Variants in PIP5K1C observed in about 807,000 individuals in gnomAD.
PIP5K1C encodes phosphatidylinositol 4-phosphate 5-kinase type-1 gamma.
A neutral mutation model predicts 80.1 loss-of-function variants in PIP5K1C; 45 were observed. The observed-to-expected ratio is 0.56, with a 90% CI of 0.44 to 0.72. The LOEUF is 0.72. Ranked by LOEUF, PIP5K1C falls within the 30% of genes least tolerant of loss-of-function variation. The pLI, the probability that PIP5K1C is intolerant of heterozygous loss-of-function variation, is 0.00. For missense variants in PIP5K1C, 753 were observed against 954.6 expected (o/e 0.79, Z 2.78); for synonymous variants, 498 against 420.1 (o/e 1.19, Z -2.27).
intron 13 of PIP5K1C, 46 bp downstream of exon 13, chr19:3,643,197 G>C: frequency 1.9e-6 from 3 of 1,608,232 alleles, no homozygotes; most frequent in East Asian, 2.2e-5. Flanking sequence ...CCGCCCCCAC[G>C]CACAGCGGAT....
chr19:3,637,593 C>T lies in PIP5K1C; in HGVS notation c.1920+1291G>A. ...GTCGGCGATGGCGGGGAGAGTAAAT[C>T]CAGTACCTCCCATCCGTGAACTGGA... On this transcript the variant is annotated intron_variant, in intron 16 of 17. Coordinates refer to ENST00000335312, the MANE Select transcript of PIP5K1C (RefSeq NM_012398.3). This position sits in a 1 kb window ranked among gnomAD's most constrained non-coding sequence, Gnocchi z 7.0. 2 of 1,532,762 alleles carry T rather than the reference C, an allele frequency of 1.3e-6. No individual in the cohort carries two copies. The highest frequency in any genetic ancestry group is 1.7e-6 in the Non-Finnish European group (2 of 1,144,910). The allele number at this position is 1,532,762 out of a possible 1,614,324, so 94.9% of individuals were successfully genotyped here. A position where few individuals can be genotyped will look rare whatever the true frequency, so the allele number is the denominator to read the frequency against.
At chr19:3,664,973 C>A in intron 2 of PIP5K1C, 59 bp from the exon 3 acceptor site, 1 of 1,352,688 alleles carries the variant, frequency 7.4e-7, no homozygotes, top group Non-Finnish European at 1.1e-6. Context: ...CGGGACAGGG[C>A]ACGCTCTGAA....
intron 1 of PIP5K1C, among the ~76,000 whole-genome samples, chr19:3,695,619 C>T (rs768205760): frequency 1.3e-5 from 2 of 152,144 alleles, no homozygotes; most frequent in Admixed American, 6.5e-5. Context: ...ACCTGCATCC[C>T]GGGAGGCGGC....
chr19:3,638,794 GGT>G (rs1386242865), intron 16 of PIP5K1C, 88 bp downstream of exon 16: 3 of 1,528,376 alleles, frequency 2.0e-6, no homozygotes, highest in African/African-American at 1.4e-5. Flanking sequence ...CCTGTGTGCA[GGT>G]GTGTGTATGC....
At chr19:3,642,425 G>A (rs1308874378) in intron 14 of PIP5K1C, among the ~76,000 whole-genome samples, 4 of 151,992 alleles carry the variant, frequency 2.6e-5, no homozygotes, top group African/African-American at 9.7e-5. Flanking sequence ...ACCCACCCCT[G>A]AGATCCCCGT....
Position 3,683,697 on chromosome 19 carries a change from C to T in PIP5K1C, c.95-16344G>A, listed in dbSNP as rs546293862. ...CCAGTCTGCGTCACCACAGCAGGGA[C>T]GGGAGGAGAGTGAGGAGGAGCCAGG... On this transcript the variant is annotated intron_variant, in intron 1 of 17. Transcript: ENST00000335312. 5.6e-4 allele frequency among the ~76,000 whole-genome samples: 85 copies of T among 152,248 alleles called. 1 individual carries two copies. The highest frequency in any genetic ancestry group is 1.9e-3 in the African/African-American group (77 of 41,538).
intron 1 of PIP5K1C, among the ~76,000 whole-genome samples, chr19:3,698,709 G>T (rs2036200692): frequency 6.6e-6 from 1 of 152,186 alleles, no homozygotes; most frequent in Non-Finnish European, 1.5e-5. Flanking sequence ...AAACCATCTC[G>T]GTGAAGAACA....
At chr19:3,686,647 G>A (rs1023115730) in intron 1 of PIP5K1C, among the ~76,000 whole-genome samples, 2 of 151,790 alleles carry the variant, frequency 1.3e-5, no homozygotes, top group Admixed American at 1.3e-4. Flanking sequence ...GAACCCAGGA[G>A]GTGGAGCTTG....
At chr19:3,682,920 T>A (rs1399513254) in intron 1 of PIP5K1C, among the ~76,000 whole-genome samples, 1 of 151,422 alleles carries the variant, frequency 6.6e-6, no homozygotes, top group East Asian at 2.0e-4. Flanking sequence ...GAGGCCCAGA[T>A]GGAGAACACC....
At chr19:3,662,171 C>G (rs769770700) in intron 3 of PIP5K1C, among the ~76,000 whole-genome samples, 170 bp from the exon 4 acceptor site, 4 of 152,194 alleles carry the variant, frequency 2.6e-5, no homozygotes, top group Non-Finnish European at 4.4e-5. Flanking sequence ...GCTGAGCTGT[C>G]GACATCAGGC....
intron 1 of PIP5K1C, among the ~76,000 whole-genome samples, chr19:3,675,605 A>G (rs746851323): frequency 2.0e-5 from 3 of 152,172 alleles, no homozygotes; most frequent in Non-Finnish European, 4.4e-5. Flanking sequence ...CGGGATGGAC[A>G]GTCTCGTCCA....
chr19:3,659,994 C>T (rs370938478), intron 5 of PIP5K1C, among the ~76,000 whole-genome samples: 6 of 152,316 alleles, frequency 3.9e-5, no homozygotes, highest in African/African-American at 1.2e-4. Context: ...ACAAAGTTCT[C>T]GGGATGACCA....
chr19:3,687,957 AG>A (rs1428582602), intron 1 of PIP5K1C, among the ~76,000 whole-genome samples: 2 of 152,176 alleles, frequency 1.3e-5, no homozygotes, highest in Non-Finnish European at 2.9e-5. Context: ...AGGGAGAAAG[AG>A]GCTCCACTCT....
intron 15 of PIP5K1C, among the ~76,000 whole-genome samples, chr19:3,641,444 A>T (rs1489092600): frequency 6.6e-6 from 1 of 151,874 alleles, no homozygotes; most frequent in African/African-American, 2.4e-5. Flanking sequence ...GCCTCCACCC[A>T]CTCCATGCCA....
chr19:3,651,934 C>T lies in PIP5K1C; in HGVS notation c.1019G>A (p.Ser340Asn), dbSNP rs750406010. Residue 340 changes from serine to asparagine, a missense_variant, in exon 8 of 18, where the codon AGC (serine) becomes AAC (asparagine). Coordinates refer to ENST00000335312, the MANE Select transcript of PIP5K1C (RefSeq NM_012398.3). The stretch of plus-strand genomic sequence containing the variant: ...CACAGGCCGCTTCTCATCTGAGGTG[C>T]TCTGGGCGCCCTGCGCCTGCCGCTC... Reference protein sequence around the residue: ...ERERQAQGAQSTSDEKRPVGQ... With the variant: ...ERERQAQGAQNTSDEKRPVGQ... 6.2e-7 allele frequency: 1 copy of T among 1,612,922 alleles called. No individual in the cohort carries two copies. Among genetic ancestry groups the T allele is most frequent in the Admixed American group, 1.7e-5 (1 of 60,018 alleles).
In PIP5K1C at chr19:3,633,427, C is replaced by T. The variant is rs750014751; in HGVS notation, c.2004+10G>A. 6.8e-6 allele frequency: 10 copies of T among 1,479,038 alleles called. No homozygotes were observed. The South Asian group carries it at 1.4e-4, about 21-fold the overall frequency. 91.6% of individuals were successfully genotyped at this position (1,479,038 alleles called of 1,614,324 possible). A position where few individuals can be genotyped will look rare whatever the true frequency, so the allele number is the denominator to read the frequency against. On this transcript the variant is annotated intron_variant, in intron 17 of 17. Coordinates refer to ENST00000335312, the MANE Select transcript of PIP5K1C (RefSeq NM_012398.3). The stretch of plus-strand genomic sequence containing the variant: ...CACGGGACCGGCGGGTGCACCTGGG[C>T]TGCACTTACTGTGTCGCTCTCGCCG...
At position 3,697,878 on chromosome 19, in the gene PIP5K1C, G is replaced by A. The variant is rs868437364; in HGVS notation, c.94+2419C>T. 2.0e-5 allele frequency among the ~76,000 whole-genome samples: 3 copies of A among 152,194 alleles called. 1 individual carries two copies. The highest frequency in any genetic ancestry group is 4.8e-5 in the African/African-American group (2 of 41,446). On this transcript the variant is annotated intron_variant, in intron 1 of 17. Transcript: ENST00000335312. ...CCGGCCTTCCCGAGACCGCCCCCAC[G>A]TGCCCCACGGCCACGGCCCATGGAG...
At chr19:3,664,333 A>G (rs1373962613) in intron 3 of PIP5K1C, among the ~76,000 whole-genome samples, 5 of 152,156 alleles carry the variant, frequency 3.3e-5, no homozygotes, top group African/African-American at 1.2e-4. Flanking sequence ...TTTACTGCAC[A>G]CTTTAAAGGC....
At position 3,651,956 on chromosome 19, in the gene PIP5K1C, G is replaced by A. The variant is rs781544349; in HGVS notation, c.997C>T (p.Arg333Trp). Residue 333 changes from arginine to tryptophan, a missense_variant, in exon 8 of 18, where the codon CGG becomes TGG. Physicochemically the swap from Arg to Trp is moderately radical, Grantham distance 101 (BLOSUM62 -3). Coordinates refer to ENST00000335312, the MANE Select transcript of PIP5K1C (RefSeq NM_012398.3). ...GTGCTCTGGGCGCCCTGCGCCTGCC[G>A]CTCGCGCTCGTGCTGGTCGATGTTG... is the stretch of plus-strand genomic sequence containing the variant. ...VHNIDQHERE[R>W]QAQGAQSTSD... 9 of 1,613,062 alleles carry A rather than the reference G, an allele frequency of 5.6e-6. No homozygotes were observed. The highest frequency in any genetic ancestry group is 1.1e-5 in the South Asian group (1 of 91,084).
Sources: allele counts gnomAD v4.1 joint callset (sites outside exome capture counted in the v4.1 genomes callset), GRCh38; gene constraint gnomAD v4.1.1; non-coding constraint Gnocchi (gnomAD v3.1); transcripts MANE v1.5; gene names NCBI Gene and HGNC (gene_info 2026-07-23, HGNC 2026-07-21).